Variants in PDE10A observed in about 807,000 individuals in gnomAD.
PDE10A encodes the protein phosphodiesterase 10A.
In PDE10A, 39 loss-of-function variants were observed where a neutral mutation model predicts 97.7. The observed-to-expected ratio is 0.40, with a 90% confidence interval of 0.31 to 0.52. The LOEUF (loss-of-function observed/expected upper bound fraction) is 0.52, where lower values mean the gene tolerates loss of function less well. Ranked by LOEUF, PDE10A falls within the 20% of genes least tolerant of loss-of-function variation. The probability of loss-of-function intolerance (pLI) is 0.56; values close to 1 mark genes in which losing one functional copy is unlikely to be tolerated. For missense variants in PDE10A, 731 were observed against 1,047.8 expected, an observed-to-expected ratio of 0.70 and a Z score of 4.17; for synonymous variants, 371 against 376.8, an observed-to-expected ratio of 0.98 and a Z score of 0.18.
chr6:165,445,892 T>TAGAGAGAGAG (rs145999232), intron 5 of PDE10A, among the ~76,000 whole-genome samples: 1 of 144,798 alleles, frequency 6.9e-6, no homozygotes, highest in Admixed American at 6.9e-5. Context: ...AATTCACAGT[T>TAGAGAGAGAG]AGAGAGAGAG....
chr6:165,369,460 A>C (rs972710525), intron 18 of PDE10A, among the ~76,000 whole-genome samples: 7 of 151,106 alleles, frequency 4.6e-5, no homozygotes, highest in African/African-American at 1.7e-4. Flanking sequence ...GATGCGATCA[A>C]CTGGAAGAAA....
chr6:165,820,835 C>G (rs1385730572), intron 1 of PDE10A, among the ~76,000 whole-genome samples: 1 of 152,196 alleles, frequency 6.6e-6, no homozygotes, highest in African/African-American at 2.4e-5. Context: ...AGCTTTACAC[C>G]TTCTAAGTGA....
At chr6:165,758,550 A>AGG in intron 1 of PDE10A, among the ~76,000 whole-genome samples, 1 of 117,026 alleles carries the variant, frequency 8.5e-6, no homozygotes, top group East Asian at 2.1e-4. Flanking sequence ...GAAGAGGAAG[A>AGG]AGAAGAGGAA....
At chr6:165,402,904 C>A (rs990948461) in intron 13 of PDE10A, among the ~76,000 whole-genome samples, 4 of 151,930 alleles carry the variant, frequency 2.6e-5, no homozygotes, top group South Asian at 2.1e-4. Flanking sequence ...TATGAGACAC[C>A]CTAATATTTG....
intron 2 of PDE10A, among the ~76,000 whole-genome samples, chr6:165,511,474 G>A (rs1323433007): frequency 6.6e-6 from 1 of 151,940 alleles, no homozygotes; most frequent in Non-Finnish European, 1.5e-5. Flanking sequence ...GTGCTGATGA[G>A]AAGAATGGGT....
rs144227689 is a variant in PDE10A, at chr6:165,371,654, A to G, written c.2783+7540T>C. Reference sequence around the variant, plus strand: ...AGCCAAATTCTACCAGAGTACAAGGAGGAACTGGTACCATTCCTTCTGAAA... The same window carrying G: ...AGCCAAATTCTACCAGAGTACAAGGGGGAACTGGTACCATTCCTTCTGAAA... On this transcript the variant is annotated intron_variant, in intron 18 of 21. Coordinates refer to ENST00000539869, the MANE Select transcript of PDE10A (RefSeq NM_001385079.1). Among the ~76,000 whole-genome samples, 435 of 152,344 alleles carry G rather than the reference A, an allele frequency of 2.9e-3. 1 individual carries two copies. The highest frequency in any genetic ancestry group is 8.5e-3 in the African/African-American group (355 of 41,568).
chr6:165,887,729 C>T (rs1262835493), intron 1 of PDE10A, among the ~76,000 whole-genome samples: 3 of 152,228 alleles, frequency 2.0e-5, no homozygotes, highest in Admixed American at 2.0e-4. Context: ...ATTTTCTCAC[C>T]AGTCTCACCT....
rs541090335 is a variant in PDE10A at position 165,812,794 on chromosome 6, T to C, written c.-615+174735A>G. 1.3e-4 allele frequency among the ~76,000 whole-genome samples: 20 copies of C among 152,320 alleles called. 3 individuals carry two copies. The highest frequency in any genetic ancestry group is 4.6e-4 in the African/African-American group (19 of 41,578). ...ACTCTCTAACAACCTACAAAAACGG[T>C]AGGTACAATTATCTTCATCATACAA... On this transcript the variant is annotated intron_variant, in intron 1 of 19. Transcript: ENST00000366882.
At chr6:165,650,220 A>G (rs907573217) in intron 1 of PDE10A, among the ~76,000 whole-genome samples, 4 of 152,218 alleles carry the variant, frequency 2.6e-5, no homozygotes, top group Non-Finnish European at 5.9e-5. Context: ...CCGTTAATTC[A>G]ATGCCACTTC....
At chr6:165,660,442 G>A (rs1396545879) in intron 1 of PDE10A, 4 of 152,398 alleles carry the variant, frequency 2.6e-5, no homozygotes, top group Admixed American at 2.6e-4. Flanking sequence ...CGCAAGCAGC[G>A]ACTCGCTAGC....
At chr6:165,391,130 TAAAG>T (rs1434741193) in intron 16 of PDE10A, among the ~76,000 whole-genome samples, 1 of 152,202 alleles carries the variant, frequency 6.6e-6, no homozygotes, top group African/African-American at 2.4e-5. Context: ...AAATAATGTA[TAAAG>T]AATCACCCTT....
chr6:165,572,492 T>C (rs1785095069), intron 1 of PDE10A, among the ~76,000 whole-genome samples: 1 of 152,246 alleles, frequency 6.6e-6, no homozygotes. Context: ...TATGACATTG[T>C]TATAAAGTGG....
At chr6:165,901,877 G>T (rs200332447) in intron 1 of PDE10A, among the ~76,000 whole-genome samples, 6 of 74,430 alleles carry the variant, frequency 8.1e-5, no homozygotes, top group Admixed American at 3.0e-4. Flanking sequence ...ACTAAGCCCA[G>T]CCCGTCACAT....
chr6:165,928,604 T>C (rs1783020841), intron 1 of PDE10A, among the ~76,000 whole-genome samples: 2 of 152,204 alleles, frequency 1.3e-5, no homozygotes, highest in African/African-American at 2.4e-5. Flanking sequence ...GGACATTTCC[T>C]GGAAAGCATC....
chr6:165,506,832 A>G (rs1182343442), intron 2 of PDE10A, among the ~76,000 whole-genome samples: 1 of 152,148 alleles, frequency 6.6e-6, no homozygotes, highest in African/African-American at 2.4e-5. Context: ...ATTCTAGTAC[A>G]CTTGAAATAC....
intron 1 of PDE10A, among the ~76,000 whole-genome samples, chr6:165,590,740 A>G (rs1268608406): frequency 6.6e-6 from 1 of 152,078 alleles, no homozygotes; most frequent in African/African-American, 2.4e-5. Flanking sequence ...AAATACAAAA[A>G]ATAAGCCGGG....
intron 18 of PDE10A, among the ~76,000 whole-genome samples, chr6:165,345,321 C>T (rs1372795752): frequency 6.6e-6 from 1 of 150,726 alleles, no homozygotes; most frequent in Non-Finnish European, 1.5e-5. Flanking sequence ...GATTATAAAA[C>T]AGTTATTTAG....
chr6:165,918,955 G>C (rs141643462), intron 1 of PDE10A, among the ~76,000 whole-genome samples: 25 of 152,110 alleles, frequency 1.6e-4, no homozygotes, highest in African/African-American at 5.6e-4. Context: ...AATGGCAAAA[G>C]CATAAATGCA....
chr6:165,794,344 G>A (rs1583100540), intron 1 of PDE10A, among the ~76,000 whole-genome samples: 1 of 148,330 alleles, frequency 6.7e-6, no homozygotes, highest in Non-Finnish European at 1.5e-5. Context: ...TAAACACCCA[G>A]ACTCACACAG....
Sources: gnomAD v4.1 joint callset for allele counts (sites outside exome capture counted in the v4.1 genomes callset) on GRCh38, gnomAD v4.1.1 for gene constraint, MANE v1.5 for transcripts, NCBI Gene and HGNC (gene_info 2026-07-23, HGNC 2026-07-21) for gene names.